PYROXD2: variants seen among roughly 807,000 people sequenced by gnomAD.
PYROXD2 encodes pyridine nucleotide-disulfide oxidoreductase domain-containing protein 2.
PYROXD2 carries 69 observed loss-of-function variants against 71.1 expected under a neutral mutation model. The observed-to-expected ratio is 0.97, with a 90% confidence interval of 0.80 to 1.19. The LOEUF (loss-of-function observed/expected upper bound fraction) is 1.19. Ranked by LOEUF, PYROXD2 falls within the 50% of genes most tolerant of loss-of-function variation. PYROXD2 has a pLI of 0.00. For synonymous variants in PYROXD2, 287 were observed against 302.7 expected, an observed-to-expected ratio of 0.95 and a Z score of 0.54; for missense variants, 745 against 748.9, an observed-to-expected ratio of 0.99 and a Z score of 0.06.
intron 12 of PYROXD2, among the ~76,000 whole-genome samples, chr10:98,390,274 G>C (rs527795754): frequency 3.9e-5 from 6 of 152,116 alleles, no homozygotes; most frequent in Admixed American, 3.3e-4. Context: ...GCTCTCTGAC[G>C]GGCTCTGAAT....
intron 14 of PYROXD2, among the ~76,000 whole-genome samples, chr10:98,386,262 T>C (rs1842746327): frequency 7.6e-6 from 1 of 130,762 alleles, no homozygotes; most frequent in Non-Finnish European, 1.5e-5. Context: ...GCCTGGGTGA[T>C]AGAACAGGAC....
intron 5 of PYROXD2, 53 bp downstream of exon 5, chr10:98,400,049 C>T: frequency 6.3e-7 from 1 of 1,588,822 alleles, no homozygotes. Context: ...CAACCAGGCC[C>T]ATCTCTAGGC....
intron 6 of PYROXD2, among the ~76,000 whole-genome samples, chr10:98,396,912 C>G (rs189148938): frequency 1.8e-4 from 27 of 152,318 alleles, no homozygotes; most frequent in Admixed American, 1.8e-3. Context: ...AGATAGAACC[C>G]AATGGATAAA....
intron 2 of PYROXD2, chr10:98,410,601 C>G (rs965688617): frequency 1.5e-5 from 5 of 341,896 alleles, no homozygotes; most frequent in Non-Finnish European, 2.1e-5. Context: ...TGCCCAATCC[C>G]CTGGTTCCCA....
rs150668271 is a variant in PYROXD2 at position 98,401,210 on chromosome 10, C to T, written c.316-953G>A. On this transcript the variant is annotated intron_variant, in intron 4 of 15. Coordinates refer to ENST00000370575, the MANE Select transcript of PYROXD2 (RefSeq NM_032709.3). ...AGAGGTTGCAGTGAGGCAAGATTGC[C>T]GCCACTGCACTCCAGCCTGGGTGAC... Among the ~76,000 whole-genome samples, 268 of 145,680 alleles carry T rather than the reference C, an allele frequency of 1.8e-3. 4 individuals carry two copies. The Middle Eastern group carries it at 0.061, about 33-fold the overall frequency.
At chr10:98,402,422 G>GTAGA (rs1249290223) in intron 4 of PYROXD2, among the ~76,000 whole-genome samples, 2 of 152,182 alleles carry the variant, frequency 1.3e-5, no homozygotes, top group African/African-American at 4.8e-5. Flanking sequence ...TACTTACAAG[G>GTAGA]TAGATAAATT....
intron 12 of PYROXD2, among the ~76,000 whole-genome samples, chr10:98,389,966 A>T (rs1590936307): frequency 6.6e-6 from 1 of 152,162 alleles, no homozygotes; most frequent in Non-Finnish European, 1.5e-5. Flanking sequence ...TCTTTACCAC[A>T]TGCTATAAAT....
chr10:98,397,453 T>C lies in PYROXD2; in HGVS notation c.517A>G (p.Ile173Val). ...GGGGCCGCATCCAGCAGAGGGTCAATGGCTAATGCCAAGCGATGCATGAAC... is the reference window on the plus strand; with the variant it reads ...GGGGCCGCATCCAGCAGAGGGTCAACGGCTAATGCCAAGCGATGCATGAAC... Reference protein sequence around the residue: ...EEFMHRLALAIDPLLDAAPVD... With the variant: ...EEFMHRLALAVDPLLDAAPVD... Residue 173 changes from isoleucine (I) to valine (V), a missense_variant, in exon 6 of 16, where the codon ATT becomes GTT. By Grantham distance (29) the Ile-to-Val change is conservative. Transcript: ENST00000370575. 2 of 1,613,014 alleles carry C rather than the reference T, an allele frequency of 1.2e-6. No homozygotes were observed. Among genetic ancestry groups the C allele is most frequent in the Admixed American group, 3.3e-5 (2 of 59,922 alleles).
In PYROXD2 at chr10:98,400,222, G is replaced by C; in HGVS notation, c.351C>G (p.Tyr117Ter). 6.2e-7 allele frequency: 1 copy of C among 1,612,336 alleles called. No individual in the cohort carries two copies. The highest frequency in any genetic ancestry group is 1.1e-5 in the South Asian group (1 of 90,546). The change falls in exon 5 of 16, where the codon TAC becomes TAG. Residue 117 changes from tyrosine (Y) to a stop codon, truncating the protein, a stop_gained. Coordinates refer to ENST00000370575, the MANE Select transcript of PYROXD2 (RefSeq NM_032709.3). LOFTEE classifies it high-confidence loss of function. ...CCTCTTCCAGCATGGGGGTGAAGGA[G>C]TAGGGGTTTCGAAGATGAAGCCTCA... ...HGLRLHLRNP[Y>*]SFTPMLEEGA...
At chr10:98,402,713 C>T (rs970283858) in intron 4 of PYROXD2, among the ~76,000 whole-genome samples, 4 of 152,232 alleles carry the variant, frequency 2.6e-5, no homozygotes, top group African/African-American at 9.6e-5. Context: ...CCTTATCAGC[C>T]AGGCCTCCCC....
intron 4 of PYROXD2, among the ~76,000 whole-genome samples, chr10:98,403,397 G>T (rs1188971904): frequency 6.6e-6 from 1 of 152,178 alleles, no homozygotes; most frequent in East Asian, 1.9e-4. Context: ...TGTTTCCTCC[G>T]AGTCCTCACC....
At chr10:98,397,561 G>T (rs1208124539) in intron 5 of PYROXD2, 63 bp from the exon 6 acceptor site, 3 of 1,470,076 alleles carry the variant, frequency 2.0e-6, no homozygotes, top group Non-Finnish European at 1.8e-6. Context: ...GCTGTCCCCA[G>T]ATGGCCTGTC....
Position 98,383,744 on chromosome 10 carries a change from A to C in PYROXD2, c.*54T>G. 6.8e-7 allele frequency: 1 copy of C among 1,461,740 alleles called. No homozygotes were observed. Among genetic ancestry groups the C allele is most frequent in the Non-Finnish European group, 9.6e-7 (1 of 1,040,710 alleles). The allele number at this position is 1,461,740 out of a possible 1,614,324, so 90.5% of individuals were successfully genotyped here. ...ACTTCCTGGGAAGCTGATCCAATGG[A>C]GCACTTGGAATTCAGGGGTGGAGTC... On this transcript the variant is annotated 3_prime_UTR_variant, in exon 16 of 16. Coordinates refer to ENST00000370575, the MANE Select transcript of PYROXD2 (RefSeq NM_032709.3).
At chr10:98,396,592 C>T (rs1236701813) in intron 6 of PYROXD2, among the ~76,000 whole-genome samples, 1 of 152,194 alleles carries the variant, frequency 6.6e-6, no homozygotes, top group Non-Finnish European at 1.5e-5. Context: ...TAATTGATCA[C>T]AGAACTTCTC....
chr10:98,390,715 T>C lies in PYROXD2; in HGVS notation c.1175A>G (p.Asn392Ser), dbSNP rs577553113. ...DRLPSFLAAP[N>S]APRGQPLPHH... ...GGGCAGCGGCTGGCCCCTGGGAGCA[T>C]TGGGGGCCGCCAGGAAGCTGGGCAG... is the stretch of plus-strand genomic sequence containing the variant. Residue 392 changes from asparagine to serine, a missense_variant, in exon 12 of 16, where the codon AAT (asparagine) becomes AGT (serine). Asn to Ser is a conservative substitution (Grantham distance 46). Transcript: ENST00000370575. 71 of 1,609,384 alleles carry C rather than the reference T, an allele frequency of 4.4e-5. No homozygotes were observed. In the Middle Eastern group the frequency reaches 1.5e-3, roughly 34 times the overall value.
In PYROXD2 at chr10:98,414,711, T is replaced by C. The variant is rs142500658; in HGVS notation, c.127+298A>G. On this transcript the variant is annotated intron_variant, in intron 1 of 15. Coordinates refer to ENST00000370575, the MANE Select transcript of PYROXD2 (RefSeq NM_032709.3). ...AAACTAGGTCACTTTGCAAGAGATA[T>C]AGGGAAACCCCTGAGCTCACCTAGT... The C allele has an allele frequency of 2.5e-3, 811 of 324,118 alleles. 9 individuals are homozygous for C. The highest frequency in any genetic ancestry group is 7.2e-3 in the Admixed American group (146 of 20,244). The allele number at this position is 324,118 out of a possible 1,614,324, so 20.1% of individuals were successfully genotyped here. A position where few individuals can be genotyped will look rare whatever the true frequency, so the allele number is the denominator to read the frequency against.
intron 15 of PYROXD2, 72 bp from the exon 16 acceptor site, chr10:98,383,940 A>G: frequency 1.0e-5 from 14 of 1,358,030 alleles, no homozygotes; most frequent in Non-Finnish European, 1.5e-5. Flanking sequence ...GACAGGGCTT[A>G]CAGAGATCCA....
At chr10:98,414,722 C>A (rs1308281858) in intron 1 of PYROXD2, 3 of 373,566 alleles carry the variant, frequency 8.0e-6, no homozygotes, top group Admixed American at 4.5e-5. Context: ...AGGGAAACCC[C>A]TGAGCTCACC....
rs758815432 is a variant in PYROXD2 at position 98,397,389 on chromosome 10, T to C, written c.581A>G (p.Gln194Arg). Residue 194 changes from glutamine to arginine, a missense_variant, in exon 6 of 16, where the codon CAA becomes CGA. Transcript: ENST00000370575. ...MAAFQHGSLL[Q>R]RMRSLSTLKP... The stretch of plus-strand genomic sequence containing the variant: ...GAGGGTGGAGAGCGACCTCATCCTT[T>C]GCAGCAAGGAGCCATGCTGGAAGGC... 3 of 1,612,960 alleles carry C rather than the reference T, an allele frequency of 1.9e-6. No individual in the cohort carries two copies. Among genetic ancestry groups the C allele is most frequent in the Non-Finnish European group, 2.5e-6 (3 of 1,179,310 alleles).
Sources: allele counts gnomAD v4.1 joint callset (sites outside exome capture counted in the v4.1 genomes callset), GRCh38; gene constraint gnomAD v4.1.1; transcripts MANE v1.5; gene names NCBI Gene and HGNC (gene_info 2026-07-23, HGNC 2026-07-21).